CD300E: variants seen among roughly 807,000 people sequenced by gnomAD.
CD300E encodes the protein CD300e molecule.
Under a neutral mutation model 20.9 loss-of-function variants are expected in CD300E, and 14 were observed. The observed-to-expected ratio is 0.67, with a 90% CI of 0.44 to 1.05. The LOEUF is 1.05. CD300E is among the 50% of genes least tolerant of loss of function. The pLI is 0.00. For missense variants in CD300E, 237 were observed against 253.9 expected (o/e 0.93, Z 0.45); for synonymous variants, 102 against 103.7 (o/e 0.98, Z 0.10).
At chr17:74,618,408 C>T (rs73995684) in intron 1 of CD300E, among the ~76,000 whole-genome samples, 1,545 of 152,268 alleles carry the variant, frequency 0.01, 24 homozygotes, top group African/African-American at 0.034. Context: ...TTTGCACCCC[C>T]TCAGAGTAAC....
Sources: allele counts gnomAD v4.1 joint callset (sites outside exome capture counted in the v4.1 genomes callset), GRCh38; gene constraint gnomAD v4.1.1; transcripts MANE v1.5; gene names NCBI Gene and HGNC (gene_info 2026-07-23, HGNC 2026-07-21).